Variants in MYRIP observed in about 807,000 individuals in gnomAD.
MYRIP encodes the protein rab effector MyRIP.
A neutral mutation model predicts 98.0 loss-of-function variants in MYRIP; 49 were observed. The ratio of observed to expected loss-of-function variants is 0.50; its 90% CI spans 0.40 to 0.63. The LOEUF (loss-of-function observed/expected upper bound fraction) is 0.63, where lower values mean the gene tolerates loss of function less well. MYRIP is among the 30% of genes least tolerant of loss of function. The pLI is 0.00. For synonymous variants in MYRIP, 404 were observed against 409.5 expected, an observed-to-expected ratio of 0.99 and a Z score of 0.16; for missense variants, 1,004 against 1,058.2, an observed-to-expected ratio of 0.95 and a Z score of 0.71.
At chr3:39,855,026 A>G (rs1010418492) in intron 1 of MYRIP, among the ~76,000 whole-genome samples, 8 of 152,230 alleles carry the variant, frequency 5.3e-5, no homozygotes, top group African/African-American at 1.9e-4. Context: ...GGATACCAGC[A>G]TCTGCTCTCA....
rs66667492 is a variant in MYRIP, at chr3:39,893,674, T to TCACA, written c.-30-7083_-30-7080dup. Among the ~76,000 whole-genome samples the TCACA allele has an allele frequency of 6.1e-3, 901 of 147,176 alleles. 7 individuals are homozygous for TCACA. Among genetic ancestry groups the TCACA allele is most frequent in the African/African-American group, 0.017 (667 of 40,406 alleles). On this transcript the variant is annotated intron_variant, in intron 1 of 16. Coordinates refer to ENST00000302541, the MANE Select transcript of MYRIP (RefSeq NM_015460.4). Reference sequence around the variant, plus strand: ...ATTAGTTAATTATTTTAAGTGGAAATCACACACACACACACACACACACAC... The same window carrying TCACA: ...ATTAGTTAATTATTTTAAGTGGAAATCACACACACACACACACACACACACACAC...
intron 9 of MYRIP, among the ~76,000 whole-genome samples, chr3:40,184,267 T>C (rs996426541): frequency 3.9e-5 from 6 of 152,222 alleles, no homozygotes; most frequent in East Asian, 1.9e-4. Flanking sequence ...TTAGATTCCA[T>C]AGAGTACATG....
At chr3:40,104,708 T>C (rs1419614080) in intron 3 of MYRIP, among the ~76,000 whole-genome samples, 1 of 152,216 alleles carries the variant, frequency 6.6e-6, no homozygotes, top group African/African-American at 2.4e-5. Context: ...TTATTTTTAA[T>C]CTAAACATAC....
chr3:40,026,413 A>G (rs560154403), intron 2 of MYRIP, among the ~76,000 whole-genome samples: 45 of 152,150 alleles, frequency 3.0e-4, no homozygotes, highest in African/African-American at 1.1e-3. Flanking sequence ...ATGTTGTTCA[A>G]ACACACATGT....
At chr3:40,201,338 G>T (rs1951554042) in intron 10 of MYRIP, among the ~76,000 whole-genome samples, 1 of 152,154 alleles carries the variant, frequency 6.6e-6, no homozygotes, top group African/African-American at 2.4e-5. Context: ...AACACACAGA[G>T]GAGGGGTGGA....
chr3:39,902,977 G>A (rs931978966), intron 2 of MYRIP, among the ~76,000 whole-genome samples: 1 of 152,166 alleles, frequency 6.6e-6, no homozygotes, highest in African/African-American at 2.4e-5. Context: ...TGGAGAAAAT[G>A]ATGCTTGAAA....
At chr3:39,879,117 T>C (rs1943096562) in intron 1 of MYRIP, among the ~76,000 whole-genome samples, 1 of 151,598 alleles carries the variant, frequency 6.6e-6, no homozygotes, top group East Asian at 1.9e-4. Context: ...TAGATATATA[T>C]GTAGAGGGAG....
rs530119347 is a variant in MYRIP, at chr3:39,995,841, G to T, written c.111-48209G>T. On this transcript the variant is annotated intron_variant, in intron 2 of 16. Coordinates refer to ENST00000302541, the MANE Select transcript of MYRIP (RefSeq NM_015460.4). ...CATCAGACTAACAGCTGATCTCTTC[G>T]CAGAAACTCTACAAGCCAGAAGAGA... Among the ~76,000 whole-genome samples, 3 of 152,122 alleles carry T rather than the reference G, an allele frequency of 2.0e-5. No individual in the cohort carries two copies. In the East Asian group the frequency reaches 5.8e-4, roughly 29 times the overall value.
At position 40,204,235 on chromosome 3, in the gene MYRIP, A is replaced by ATTT. The variant is rs553006883; in HGVS notation, c.1666-5609_1666-5607dup. On this transcript the variant is annotated intron_variant, in intron 10 of 16. Transcript: ENST00000302541. ...ATATATTATATATAAATATATATAT[A>ATTT]TTTTTTTTTTTTGAGACAGAGTCTC... 7.5e-5 allele frequency among the ~76,000 whole-genome samples: 2 copies of ATTT among 26,720 alleles called. 1 individual carries two copies. The highest frequency in any genetic ancestry group is 1.5e-3 in the East Asian group (2 of 1,378). 17.5% of individuals were successfully genotyped at this position (26,720 alleles called of 152,430 possible). A position where few individuals can be genotyped will look rare whatever the true frequency, so the allele number is the denominator to read the frequency against.
At chr3:39,988,171 A>G (rs188416356) in intron 2 of MYRIP, among the ~76,000 whole-genome samples, 185 of 151,952 alleles carry the variant, frequency 1.2e-3, no homozygotes, top group Non-Finnish European at 2.1e-3. Flanking sequence ...GGGGTGGGGG[A>G]AGGGGGAAAG....
intron 1 of MYRIP, among the ~76,000 whole-genome samples, chr3:39,814,651 T>C (rs1940818730): frequency 6.6e-6 from 1 of 152,222 alleles, no homozygotes; most frequent in South Asian, 2.1e-4. Flanking sequence ...TCTACTCATG[T>C]TTTTGTGATT....
chr3:39,818,778 C>T (rs1941008883), intron 1 of MYRIP, among the ~76,000 whole-genome samples: 1 of 151,918 alleles, frequency 6.6e-6, no homozygotes, highest in Admixed American at 6.6e-5. Context: ...TTTATGTAAA[C>T]TTTGAATTTG....
At chr3:40,110,967 C>A in intron 3 of MYRIP, among the ~76,000 whole-genome samples, 1 of 151,140 alleles carries the variant, frequency 6.6e-6, no homozygotes, top group Middle Eastern at 3.4e-3. Context: ...AGATCAATTG[C>A]GCATCTTAAT....
At chr3:39,950,440 C>A (rs1044324047) in intron 2 of MYRIP, among the ~76,000 whole-genome samples, 3 of 152,094 alleles carry the variant, frequency 2.0e-5, no homozygotes, top group Admixed American at 6.6e-5. Flanking sequence ...GTTTTAGAAA[C>A]ATATGCTTTC....
chr3:40,002,952 G>A lies in MYRIP; in HGVS notation c.111-41098G>A, dbSNP rs138155971. 2.9e-4 allele frequency among the ~76,000 whole-genome samples: 44 copies of A among 151,756 alleles called. 2 individuals carry two copies. The East Asian group carries it at 8.1e-3, about 28-fold the overall frequency. ...TATATAGATATCTATAGCTATATGT[G>A]TGTATCTAAAGCTATATCTATATGT... On this transcript the variant is annotated intron_variant, in intron 2 of 16. Coordinates refer to ENST00000302541, the MANE Select transcript of MYRIP (RefSeq NM_015460.4).
chr3:39,959,846 G>A lies in MYRIP; in HGVS notation c.110+58920G>A, dbSNP rs1035055361. The stretch of plus-strand genomic sequence containing the variant: ...GTTCAACAGATTTATATCCGGAATC[G>A]TTTTTCTTCTGAATGGCAGTGCTCC... On this transcript the variant is annotated intron_variant, in intron 2 of 16. Coordinates refer to ENST00000302541, the MANE Select transcript of MYRIP (RefSeq NM_015460.4). 7.2e-5 allele frequency among the ~76,000 whole-genome samples: 11 copies of A among 152,180 alleles called. No individual in the cohort carries two copies. The East Asian group carries it at 7.7e-4, about 11-fold the overall frequency.
At chr3:40,205,075 G>A (rs1951755054) in intron 10 of MYRIP, among the ~76,000 whole-genome samples, 1 of 152,076 alleles carries the variant, frequency 6.6e-6, no homozygotes, top group South Asian at 2.1e-4. Context: ...TGCCAGGAAG[G>A]ACCCTGGAGC....
chr3:40,156,057 A>G (rs544322063), intron 4 of MYRIP, among the ~76,000 whole-genome samples: 2 of 151,998 alleles, frequency 1.3e-5, no homozygotes, highest in South Asian at 4.2e-4. Context: ...TTAGACATGA[A>G]GTCCTTGCCC....
chr3:40,007,529 T>C (rs1370899750), intron 2 of MYRIP, among the ~76,000 whole-genome samples: 3 of 152,192 alleles, frequency 2.0e-5, no homozygotes, highest in Admixed American at 2.0e-4. Context: ...GACATTGTGA[T>C]GAGACAAGAT....
Sources: gnomAD v4.1 joint callset for allele counts (sites outside exome capture counted in the v4.1 genomes callset) on GRCh38, gnomAD v4.1.1 for gene constraint, MANE v1.5 for transcripts, NCBI Gene and HGNC (gene_info 2026-07-23, HGNC 2026-07-21) for gene names.